THEMIS: variants seen among roughly 807,000 people sequenced by gnomAD.
THEMIS encodes protein THEMIS.
THEMIS carries 37 observed loss-of-function variants against 52.6 expected under a neutral mutation model. The ratio of observed to expected loss-of-function variants is 0.70; its 90% CI spans 0.54 to 0.93. THEMIS has a LOEUF of 0.93. Among genes scored for constraint, THEMIS ranks in the 40% least tolerant of loss-of-function variants. THEMIS has a pLI of 0.00. For missense variants in THEMIS, 808 were observed against 763.1 expected, an observed-to-expected ratio of 1.06 and a Z score of -0.69; for synonymous variants, 292 against 272.7, an observed-to-expected ratio of 1.07 and a Z score of -0.70.
rs539821666 is a variant in THEMIS at position 127,709,791 on chromosome 6, T to C, written c.*194A>G. ...CAGATTTAGACACAACAGAATAGAC[T>C]ATATGAATTCTATATCATAGGTTTC... On this transcript the variant is annotated 3_prime_UTR_variant, in exon 6 of 6. Transcript: ENST00000368248. 58 of 542,326 alleles carry C rather than the reference T, an allele frequency of 1.1e-4. No individual in the cohort carries two copies. The African/African-American group carries it at 1.1e-3, about 10-fold the overall frequency. 33.6% of individuals were successfully genotyped at this position (542,326 alleles called of 1,614,324 possible).
At chr6:127,750,463 T>C (rs1206783712) in intron 4 of THEMIS, among the ~76,000 whole-genome samples, 2 of 151,876 alleles carry the variant, frequency 1.3e-5, no homozygotes, top group African/African-American at 4.8e-5. Context: ...AACTCACTAA[T>C]TATAGGCACA....
At chr6:127,697,598 C>T in the THEMIS span, among the ~76,000 whole-genome samples, 12 of 152,244 alleles carry the variant, frequency 7.9e-5, no homozygotes, top group East Asian at 2.3e-3. Context: ...TTTTCCCTAG[C>T]TATTCTCCAA....
upstream of THEMIS, among the ~76,000 whole-genome samples, chr6:127,903,040 C>T (rs994091950): frequency 1.1e-4 from 17 of 152,090 alleles, no homozygotes; most frequent in African/African-American, 4.1e-4. Flanking sequence ...CTGTGATAAT[C>T]ATCTTCGTAT....
At chr6:127,720,420 T>TGTAAGAGA (rs1774323444) in intron 4 of THEMIS, among the ~76,000 whole-genome samples, 1 of 151,840 alleles carries the variant, frequency 6.6e-6, no homozygotes, top group Non-Finnish European at 1.5e-5. Flanking sequence ...GTCACAGCAT[T>TGTAAGAGA]TGACATTATA....
chr6:127,809,459 T>C (rs1777826929), intron 4 of THEMIS, among the ~76,000 whole-genome samples: 1 of 152,254 alleles, frequency 6.6e-6, no homozygotes, highest in South Asian at 2.1e-4. Flanking sequence ...TGGTAAAAAA[T>C]AATCGCTGAA....
At chr6:127,733,604 T>C (rs1427415733) in intron 4 of THEMIS, among the ~76,000 whole-genome samples, 1 of 152,136 alleles carries the variant, frequency 6.6e-6, no homozygotes, top group Non-Finnish European at 1.5e-5. Flanking sequence ...TATAAACAGG[T>C]ACCAGCTTTA....
intron 4 of THEMIS, among the ~76,000 whole-genome samples, chr6:127,741,642 A>G (rs1460784102): frequency 6.6e-6 from 1 of 152,228 alleles, no homozygotes; most frequent in Non-Finnish European, 1.5e-5. Context: ...TGTGGAAGTC[A>G]TTTATGGTTA....
At chr6:127,822,403 C>T (rs555862017) in intron 3 of THEMIS, among the ~76,000 whole-genome samples, 2 of 152,134 alleles carry the variant, frequency 1.3e-5, no homozygotes, top group Admixed American at 1.3e-4. Context: ...GGTTCATCTG[C>T]TGTCCATATT....
At chr6:127,882,923 A>AT (rs1780530754) in intron 1 of THEMIS, among the ~76,000 whole-genome samples, 1 of 151,908 alleles carries the variant, frequency 6.6e-6, no homozygotes, top group Admixed American at 6.6e-5. Context: ...AGTAGGCATG[A>AT]TTTTTGCTGT....
At chr6:127,743,934 GT>G (rs908679105) in intron 4 of THEMIS, among the ~76,000 whole-genome samples, 1 of 151,918 alleles carries the variant, frequency 6.6e-6, no homozygotes, top group Admixed American at 6.6e-5. Flanking sequence ...CCTTTAAAAT[GT>G]TTTTTGTCTA....
chr6:127,846,246 A>G (rs925225781), intron 2 of THEMIS, among the ~76,000 whole-genome samples: 15 of 152,096 alleles, frequency 9.9e-5, no homozygotes, highest in Admixed American at 8.5e-4. Flanking sequence ...GGAAAAAGGA[A>G]ACAATTTGAT....
intron 5 of THEMIS, among the ~76,000 whole-genome samples, chr6:127,716,419 A>G (rs1774162999): frequency 6.6e-6 from 1 of 151,842 alleles, no homozygotes; most frequent in Non-Finnish European, 1.5e-5. Flanking sequence ...AAAAAGCCAC[A>G]TTGCCCATAA....
chr6:127,828,934 C>A (rs565290664), intron 3 of THEMIS, among the ~76,000 whole-genome samples: 1 of 152,088 alleles, frequency 6.6e-6, no homozygotes, highest in Non-Finnish European at 1.5e-5. Flanking sequence ...CAAACAAAAA[C>A]ACCACGCCTA....
intron 3 of THEMIS, among the ~76,000 whole-genome samples, chr6:127,828,710 T>C (rs2114657256): frequency 6.6e-6 from 1 of 152,230 alleles, no homozygotes; most frequent in East Asian, 1.9e-4. Flanking sequence ...ATCCCAGCAC[T>C]TTGGGAGGTG....
chr6:127,852,839 A>G (rs1779477572), intron 2 of THEMIS, among the ~76,000 whole-genome samples: 1 of 151,520 alleles, frequency 6.6e-6, no homozygotes, highest in Non-Finnish European at 1.5e-5. Flanking sequence ...ACCAGTGCCA[A>G]TCACTTTACC....
chr6:127,732,135 G>C (rs188651150), intron 4 of THEMIS, among the ~76,000 whole-genome samples: 2 of 151,146 alleles, frequency 1.3e-5, no homozygotes, highest in Non-Finnish European at 2.9e-5. Flanking sequence ...TCATATTCTC[G>C]TTGCTCAGTT....
chr6:127,798,926 A>G (rs928076996), intron 4 of THEMIS, among the ~76,000 whole-genome samples: 3 of 147,576 alleles, frequency 2.0e-5, no homozygotes, highest in African/African-American at 7.5e-5. Flanking sequence ...CGGGAGGCGG[A>G]GCTTGCAGTG....
chr6:127,709,907 T>C lies in THEMIS; in HGVS notation c.*78A>G. 1 of 1,356,694 alleles carries C rather than the reference T, an allele frequency of 7.4e-7. No homozygotes were observed. Among genetic ancestry groups the C allele is most frequent in the Non-Finnish European group, 1.0e-6 (1 of 976,478 alleles). 84.0% of individuals were successfully genotyped at this position (1,356,694 alleles called of 1,614,324 possible). A position where few individuals can be genotyped will look rare whatever the true frequency, so the allele number is the denominator to read the frequency against. On this transcript the variant is annotated 3_prime_UTR_variant, in exon 6 of 6. Coordinates refer to ENST00000368248, the MANE Select transcript of THEMIS (RefSeq NM_001010923.3). Reference sequence around the variant, plus strand: ...TCTGGAGTCCATTGGGGAATACTCGTTTTTCAGCTAGAAGGCTAGCTTCTT... The same window carrying C: ...TCTGGAGTCCATTGGGGAATACTCGCTTTTCAGCTAGAAGGCTAGCTTCTT...
At position 127,813,458 on chromosome 6, in the gene THEMIS, C is replaced by T. The variant is rs1335506640; in HGVS notation, c.1183G>A (p.Glu395Lys). Reference protein sequence around the residue: ...VGDQFLVHQSETTEVLCEGIK... With the variant: ...VGDQFLVHQSKTTEVLCEGIK... ...CCCTCACAGAGGACTTCAGTCGTCT[C>T]TGACTGATGCACCAGAAACTGGTCC... The change falls in exon 4 of 6, where the codon GAG becomes AAG. Residue 395 changes from glutamate to lysine, a missense_variant. Coordinates refer to ENST00000368248, the MANE Select transcript of THEMIS (RefSeq NM_001010923.3). 4.3e-6 allele frequency: 7 copies of T among 1,613,926 alleles called. 1 individual carries two copies. In the South Asian group the frequency reaches 6.6e-5, roughly 15 times the overall value.
Sources: gnomAD v4.1 joint callset for allele counts (sites outside exome capture counted in the v4.1 genomes callset) on GRCh38, gnomAD v4.1.1 for gene constraint, MANE v1.5 for transcripts, NCBI Gene and HGNC (gene_info 2026-07-23, HGNC 2026-07-21) for gene names.